The following SEMA3A variants were observed in gnomAD, a reference collection of about 807,000 sequenced individuals.
SEMA3A encodes semaphorin-3A.
In SEMA3A, 29 loss-of-function variants were observed where a neutral mutation model predicts 97.9. The observed-to-expected ratio is 0.30, with a 90% CI of 0.22 to 0.40. SEMA3A has a LOEUF of 0.40. Among genes scored for constraint, SEMA3A ranks in the 10% least tolerant of loss-of-function variants. SEMA3A has a pLI of 1.00. For missense variants in SEMA3A, 763 were observed against 951.3 expected (o/e 0.80, Z 2.60); for synonymous variants, 321 against 323.7 (o/e 0.99, Z 0.09).
intron 1 of SEMA3A, among the ~76,000 whole-genome samples, chr7:84,491,981 A>G (rs1792436324): frequency 6.6e-6 from 1 of 152,182 alleles, no homozygotes; most frequent in Non-Finnish European, 1.5e-5. Context: ...GCTATAGAAC[A>G]GATTTGTTAG....
chr7:84,401,297 C>G (rs1427472602), intron 1 of SEMA3A, among the ~76,000 whole-genome samples: 1 of 151,710 alleles, frequency 6.6e-6, no homozygotes, highest in Non-Finnish European at 1.5e-5. Context: ...ATAAATTTAA[C>G]CAAAAAGTGA....
chr7:83,978,357 A>G lies in SEMA3A; in HGVS notation c.1653-1161T>C, dbSNP rs984343465. On this transcript the variant is annotated intron_variant, in intron 14 of 16. Coordinates refer to ENST00000265362, the MANE Select transcript of SEMA3A (RefSeq NM_006080.3). ...ATGTGAGCTGCAGCACGTTGTGGGT[A>G]TCCTTTTTCTACATTTTGCTAATGG... Among the ~76,000 whole-genome samples the G allele has an allele frequency of 9.9e-5, 15 of 152,264 alleles. 1 individual carries two copies. The highest frequency in any genetic ancestry group is 3.6e-4 in the African/African-American group (15 of 41,564).
At chr7:84,357,932 T>C (rs1320982147) in intron 2 of SEMA3A, among the ~76,000 whole-genome samples, 1 of 152,168 alleles carries the variant, frequency 6.6e-6, no homozygotes, top group Non-Finnish European at 1.5e-5. Context: ...CATAAATGTC[T>C]TCTTTTGAGA....
intron 4 of SEMA3A, among the ~76,000 whole-genome samples, chr7:84,077,476 T>A (rs764157558): frequency 6.6e-6 from 1 of 152,038 alleles, no homozygotes; most frequent in African/African-American, 2.4e-5. Context: ...GTAAAAAGAA[T>A]TGGAATCTAG....
rs144427312 is a variant in SEMA3A at position 84,059,051 on chromosome 7, A to T, written c.547+1414T>A. On this transcript the variant is annotated intron_variant, in intron 5 of 16. Transcript: ENST00000265362. ...CACTTTAGCATACTGCTTTTTAAGG[A>T]ATACCTATCCTTTTTTCAGTGTGCA... is the stretch of plus-strand genomic sequence containing the variant. 2.5e-3 allele frequency among the ~76,000 whole-genome samples: 388 copies of T among 152,266 alleles called. 2 individuals carry two copies. The highest frequency in any genetic ancestry group is 8.8e-3 in the African/African-American group (366 of 41,570).
At chr7:84,318,484 G>C (rs1220677044) in intron 2 of SEMA3A, among the ~76,000 whole-genome samples, 4 of 151,412 alleles carry the variant, frequency 2.6e-5, no homozygotes, top group African/African-American at 9.7e-5. Flanking sequence ...CACTACGCCC[G>C]GCTAATTTTT....
At chr7:84,148,219 TTTTTC>T (rs139925413) in intron 1 of SEMA3A, among the ~76,000 whole-genome samples, 6,230 of 152,090 alleles carry the variant, frequency 0.041, 182 homozygotes, top group East Asian at 0.12. Context: ...CCTGGCTCCT[TTTTTC>T]TTTTCTTTTC....
At chr7:84,038,812 G>C (rs140917643) in intron 6 of SEMA3A, among the ~76,000 whole-genome samples, 1 of 152,010 alleles carries the variant, frequency 6.6e-6, no homozygotes, top group Non-Finnish European at 1.5e-5. Flanking sequence ...AAATTAACAC[G>C]TACAGAAACA....
chr7:84,011,341 G>T, intron 7 of SEMA3A, 44 bp from the exon 8 acceptor site: 1 of 1,218,116 alleles, frequency 8.2e-7, no homozygotes, highest in Non-Finnish European at 1.2e-6. Context: ...TAATGAAAAT[G>T]ATAATTTGAA....
At chr7:84,065,144 C>G (rs1299259394) in intron 4 of SEMA3A, among the ~76,000 whole-genome samples, 3 of 138,696 alleles carry the variant, frequency 2.2e-5, no homozygotes, top group African/African-American at 8.3e-5. Flanking sequence ...TACATGGAAA[C>G]TGAACAACCT....
chr7:84,363,484 G>C (rs1802772319), intron 2 of SEMA3A, among the ~76,000 whole-genome samples: 1 of 150,968 alleles, frequency 6.6e-6, no homozygotes, highest in African/African-American at 2.5e-5. Context: ...AGTTTTAACA[G>C]CTTTCTTTAG....
chr7:84,278,217 A>G (rs1369112999), intron 3 of SEMA3A, among the ~76,000 whole-genome samples: 1 of 152,074 alleles, frequency 6.6e-6, no homozygotes, highest in Non-Finnish European at 1.5e-5. Flanking sequence ...GAAGCATAAC[A>G]AAAGTGACCT....
chr7:84,140,434 T>C (rs1489792541), intron 1 of SEMA3A, among the ~76,000 whole-genome samples: 2 of 152,136 alleles, frequency 1.3e-5, no homozygotes, highest in African/African-American at 2.4e-5. Flanking sequence ...TGACTTCTGT[T>C]ATATTTCTCT....
intron 6 of SEMA3A, among the ~76,000 whole-genome samples, chr7:84,028,258 T>C (rs1360272687): frequency 1.3e-5 from 2 of 152,216 alleles, no homozygotes; most frequent in African/African-American, 4.8e-5. Flanking sequence ...AAAATACTTT[T>C]ATGCTTCCCA....
intron 3 of SEMA3A, among the ~76,000 whole-genome samples, chr7:84,218,513 C>G (rs1798802179): frequency 6.6e-6 from 1 of 151,984 alleles, no homozygotes; most frequent in African/African-American, 2.4e-5. Context: ...ATAATTTAGG[C>G]AAAATTGCTT....
intron 3 of SEMA3A, among the ~76,000 whole-genome samples, chr7:84,244,686 T>C (rs1432313009): frequency 2.0e-5 from 3 of 152,306 alleles, no homozygotes; most frequent in South Asian, 2.1e-4. Flanking sequence ...ATAGCCTTGA[T>C]AGTCTTTACA....
rs182084177 is a variant in SEMA3A at position 84,341,143 on chromosome 7, G to C, written c.-169+30681C>G. On this transcript the variant is annotated intron_variant, in intron 2 of 3. Coordinates refer to the SEMA3A transcript ENST00000424555. ...TCAGTGGAATAATTTAACAAGTAAA[G>C]TTTCTGCTACACTTCATGTAGACAT... Among the ~76,000 whole-genome samples, 102 of 152,078 alleles carry C rather than the reference G, an allele frequency of 6.7e-4. 1 individual carries two copies. The highest frequency in any genetic ancestry group is 6.3e-4 in the Non-Finnish European group (43 of 68,002).
intron 4 of SEMA3A, among the ~76,000 whole-genome samples, chr7:84,081,817 A>G (rs901675074): frequency 3.3e-5 from 5 of 151,986 alleles, no homozygotes; most frequent in Non-Finnish European, 5.9e-5. Context: ...TTTATCTCAT[A>G]TATTTTAAGT....
chr7:84,228,769 C>G lies in SEMA3A; in HGVS notation c.-82-34101G>C, dbSNP rs543570453. 5.9e-5 allele frequency among the ~76,000 whole-genome samples: 9 copies of G among 152,222 alleles called. 1 individual carries two copies. In the South Asian group the frequency reaches 1.9e-3, roughly 32 times the overall value. ...ATTCCTCCCTGCAGGATTTCATGGG[C>G]TGACTGCAACCTTCCTGTCTGTTTT... On this transcript the variant is annotated intron_variant, in intron 3 of 3. Coordinates refer to the SEMA3A transcript ENST00000424555.
Sources: allele counts gnomAD v4.1 joint callset (sites outside exome capture counted in the v4.1 genomes callset), GRCh38; gene constraint gnomAD v4.1.1; transcripts MANE v1.5; gene names NCBI Gene and HGNC (gene_info 2026-07-23, HGNC 2026-07-21).